EYA3: variants seen among roughly 807,000 people sequenced by gnomAD.
The protein encoded by EYA3 is EYA transcriptional coactivator and phosphatase 3.
Under a neutral mutation model 80.0 loss-of-function variants are expected in EYA3, and 39 were observed. That is an observed-to-expected ratio of 0.49 (90% CI 0.38 to 0.64). The LOEUF is 0.64. EYA3 is among the 30% of genes least tolerant of loss of function. EYA3 has a pLI of 0.00. For synonymous variants in EYA3, 206 were observed against 232.8 expected, an observed-to-expected ratio of 0.88 and a Z score of 1.05; for missense variants, 523 against 676.1, an observed-to-expected ratio of 0.77 and a Z score of 2.51.
rs912905196 is a variant in EYA3 at position 28,061,847 on chromosome 1, C to T, written c.-68-3753G>A. 5.9e-5 allele frequency among the ~76,000 whole-genome samples: 9 copies of T among 152,286 alleles called. 1 individual carries two copies. The East Asian group carries it at 1.5e-3, about 26-fold the overall frequency. ...ATCTCCTGACCTCGTGATCCGCCCA[C>T]CTCAGCCTCCCAAAGTGCTGGCATT... is the stretch of plus-strand genomic sequence containing the variant. On this transcript the variant is annotated intron_variant, in intron 1 of 17. Transcript: ENST00000373871.
chr1:28,012,909 T>G (rs1458122691), intron 9 of EYA3, among the ~76,000 whole-genome samples: 1 of 152,202 alleles, frequency 6.6e-6, no homozygotes, highest in Non-Finnish European at 1.5e-5. Flanking sequence ...CTTGATACTT[T>G]TCTGTTCCGT....
chr1:27,998,289 G>C, intron 12 of EYA3: 1 of 984,962 alleles, frequency 1.0e-6, no homozygotes, highest in Non-Finnish European at 1.2e-6. Flanking sequence ...CTGACCTGGG[G>C]GGCAGGAACA....
At position 27,974,298 on chromosome 1, in the gene EYA3, A is replaced by G; in HGVS notation, c.*168T>C. The G allele has an allele frequency of 2.1e-6, 1 of 465,386 alleles. No individual in the cohort carries two copies. The allele number at this position is 465,386 out of a possible 1,614,324, so 28.8% of individuals were successfully genotyped here. A position where few individuals can be genotyped will look rare whatever the true frequency, so the allele number is the denominator to read the frequency against. ...GAGAGAGAGGCAGAGAGGGAGGGAG[A>G]GAGGAAGGGAGGGAGGGAGAGAGGG... On this transcript the variant is annotated 3_prime_UTR_variant, in exon 18 of 18. Coordinates refer to ENST00000373871, the MANE Select transcript of EYA3 (RefSeq NM_001990.4).
chr1:28,040,178 T>G (rs1412426197), intron 4 of EYA3, among the ~76,000 whole-genome samples: 1 of 152,206 alleles, frequency 6.6e-6, no homozygotes, highest in African/African-American at 2.4e-5. Context: ...TGGCTTGGAC[T>G]AGAATAGCAA....
chr1:28,066,120 A>G (rs1644829857), intron 1 of EYA3, among the ~76,000 whole-genome samples: 1 of 152,248 alleles, frequency 6.6e-6, no homozygotes, highest in African/African-American at 2.4e-5. Context: ...AAGTGTCTAC[A>G]ACATGAATAT....
At chr1:28,004,211 G>C (rs565130009) in intron 11 of EYA3, 125 bp downstream of exon 11, 237 of 595,702 alleles carry the variant, frequency 4.0e-4, no homozygotes, top group African/African-American at 3.8e-3. Context: ...ATTTGTTGAA[G>C]TTTTACATGG....
At chr1:28,071,642 G>C (rs1446337617) in intron 1 of EYA3, among the ~76,000 whole-genome samples, 8 of 151,984 alleles carry the variant, frequency 5.3e-5, no homozygotes, top group Non-Finnish European at 1.2e-4. Context: ...ATAGAGCCCT[G>C]AAATTCTTTC....
rs772214186 is a variant in EYA3, at chr1:27,989,577, C to T, written c.1418+120G>A. ...CTCACCTAACACAAATACTTCCCTA[C>T]ATCATTTAAACTCCTCTCTACCCCT... On this transcript the variant is annotated intron_variant, in intron 15 of 17. Transcript: ENST00000373871. 14 of 519,344 alleles carry T rather than the reference C, an allele frequency of 2.7e-5. No homozygotes were observed. The Middle Eastern group carries it at 8.9e-4, about 33-fold the overall frequency. The allele number at this position is 519,344 out of a possible 1,614,324, so 32.2% of individuals were successfully genotyped here. A position where few individuals can be genotyped will look rare whatever the true frequency, so the allele number is the denominator to read the frequency against.
intron 2 of EYA3, among the ~76,000 whole-genome samples, 154 bp from the exon 3 acceptor site, chr1:28,048,580 A>T (rs2148878237): frequency 6.6e-6 from 1 of 152,310 alleles, no homozygotes; most frequent in East Asian, 1.9e-4. Flanking sequence ...TAGAGCTAGA[A>T]ATGAAGTTTG....
At chr1:28,063,683 T>A (rs1644726092) in intron 1 of EYA3, among the ~76,000 whole-genome samples, 1 of 152,136 alleles carries the variant, frequency 6.6e-6, no homozygotes, top group Admixed American at 6.6e-5. Flanking sequence ...CCAATAATAA[T>A]AATGTGCAAA....
chr1:28,042,961 C>T (rs573931640), intron 3 of EYA3, among the ~76,000 whole-genome samples: 6 of 152,234 alleles, frequency 3.9e-5, no homozygotes, highest in African/African-American at 1.4e-4. Context: ...TCTCCTGCCT[C>T]AGCCTCCTGA....
At chr1:27,993,080 C>T (rs1364020690) in intron 14 of EYA3, among the ~76,000 whole-genome samples, 1 of 152,002 alleles carries the variant, frequency 6.6e-6, no homozygotes, top group Admixed American at 6.6e-5. Context: ...AAAAATGTGG[C>T]ACCCTATTAA....
intron 8 of EYA3, 143 bp downstream of exon 8, chr1:28,017,011 G>T: frequency 1.6e-6 from 1 of 609,022 alleles, no homozygotes; most frequent in Non-Finnish European, 2.9e-6. Context: ...TCCAGGGTCC[G>T]AGTTCTGAAG....
chr1:28,070,626 A>T (rs574834772), intron 1 of EYA3, among the ~76,000 whole-genome samples: 1 of 152,298 alleles, frequency 6.6e-6, no homozygotes, highest in African/African-American at 2.4e-5. Context: ...CTGAAAAAAA[A>T]ATGCTTCCAG....
intron 10 of EYA3, 70 bp from the exon 11 acceptor site, chr1:28,004,489 C>T: frequency 1.8e-6 from 2 of 1,131,074 alleles, no homozygotes; most frequent in Non-Finnish European, 2.6e-6. Flanking sequence ...AAATCAATAA[C>T]AGAAAGAGAA....
At chr1:28,011,660 T>C (rs1307794842) in intron 9 of EYA3, among the ~76,000 whole-genome samples, 1 of 152,064 alleles carries the variant, frequency 6.6e-6, no homozygotes, top group Non-Finnish European at 1.5e-5. Flanking sequence ...CTGTCAAAAT[T>C]CAGACTGGGA....
chr1:27,998,989 G>A (rs1192274943), intron 12 of EYA3, among the ~76,000 whole-genome samples: 5 of 152,034 alleles, frequency 3.3e-5, no homozygotes, highest in African/African-American at 1.2e-4. Context: ...GGCTGGTCTC[G>A]AACTCCTGAC....
At chr1:28,033,660 A>ATTT (rs1183310383) in intron 6 of EYA3, among the ~76,000 whole-genome samples, 4 of 98,942 alleles carry the variant, frequency 4.0e-5, no homozygotes, top group African/African-American at 1.3e-4. Flanking sequence ...TATTATTATT[A>ATTT]TTATTATTAT....
Position 28,077,589 on chromosome 1 carries a change from T to C in EYA3, c.-69+10935A>G, listed in dbSNP as rs551769162. 8.6e-5 allele frequency among the ~76,000 whole-genome samples: 13 copies of C among 151,998 alleles called. No homozygotes were observed. In the South Asian group the frequency reaches 2.7e-3, roughly 32 times the overall value. On this transcript the variant is annotated intron_variant, in intron 1 of 17. Coordinates refer to ENST00000373871, the MANE Select transcript of EYA3 (RefSeq NM_001990.4). ...GGATCTCTCTCCAATTTTAGTAACTTGTCAGCATAAGAATTTCTCTGTTTG... is the reference window on the plus strand; with the variant it reads ...GGATCTCTCTCCAATTTTAGTAACTCGTCAGCATAAGAATTTCTCTGTTTG...
Sources: gnomAD v4.1 joint callset for allele counts (sites outside exome capture counted in the v4.1 genomes callset) on GRCh38, gnomAD v4.1.1 for gene constraint, MANE v1.5 for transcripts, NCBI Gene and HGNC (gene_info 2026-07-23, HGNC 2026-07-21) for gene names.